Variants in ARHGEF4 observed in about 807,000 individuals in gnomAD.
ARHGEF4 encodes the protein Rho guanine nucleotide exchange factor 4, also known as APC-stimulated guanine nucleotide exchange factor 1.
ARHGEF4 carries 119 observed loss-of-function variants against 162.0 expected under a neutral mutation model. That is an observed-to-expected ratio of 0.73 (90% confidence interval 0.63 to 0.86). The LOEUF is 0.86. Ranked by LOEUF, ARHGEF4 falls within the 40% of genes least tolerant of loss-of-function variation. ARHGEF4 has a pLI of 0.00. For synonymous variants in ARHGEF4, 1,014 were observed against 979.9 expected (o/e 1.03, Z -0.65); for missense variants, 2,488 against 2,456.0 (o/e 1.01, Z -0.28).
intron 1 of ARHGEF4, among the ~76,000 whole-genome samples, chr2:130,856,960 C>T (rs573726790): frequency 3.3e-5 from 5 of 152,288 alleles, no homozygotes; most frequent in Non-Finnish European, 5.9e-5. Flanking sequence ...CAGTGGCTCA[C>T]GCCTGTAATC....
rs372661698 is a variant in ARHGEF4 at position 130,907,257 on chromosome 2, G to GTCA, written c.40-6729_40-6728insTCA. 1.5e-5 allele frequency among the ~76,000 whole-genome samples: 2 copies of GTCA among 136,780 alleles called. 1 individual carries two copies. The highest frequency in any genetic ancestry group is 1.5e-4 in the Admixed American group (2 of 13,478). The allele number at this position is 136,780 out of a possible 152,430, so 89.7% of individuals were successfully genotyped here. A position where few individuals can be genotyped will look rare whatever the true frequency, so the allele number is the denominator to read the frequency against. The stretch of plus-strand genomic sequence containing the variant: ...AGACAGAGTCTCGCTCTGGAGACTG[G>GTCA]AGGCTGGAGTGCAGTGGCACGATCT... On this transcript the variant is annotated intron_variant, in intron 1 of 13. Transcript: ENST00000409359.
Position 130,988,901 on chromosome 2 carries a change from TAGAG to T in ARHGEF4, c.3986-39012_3986-39009del, listed in dbSNP as rs368452142. 2.3e-3 allele frequency among the ~76,000 whole-genome samples: 259 copies of T among 113,308 alleles called. 1 individual carries two copies. The highest frequency in any genetic ancestry group is 0.015 in the Admixed American group (158 of 10,634). The allele number at this position is 113,308 out of a possible 152,430, so 74.3% of individuals were successfully genotyped here. A position where few individuals can be genotyped will look rare whatever the true frequency, so the allele number is the denominator to read the frequency against. ...ATATATATATATATATATATATATA[TAGAG>T]AGAGAGAGAGAGAGAGAGAGAGAGA... On this transcript the variant is annotated intron_variant, in intron 4 of 13. Transcript: ENST00000409359.
intron 1 of ARHGEF4, among the ~76,000 whole-genome samples, chr2:130,842,771 T>A (rs1558994731): frequency 6.6e-6 from 1 of 152,220 alleles, no homozygotes; most frequent in Non-Finnish European, 1.5e-5. Flanking sequence ...GCAGATCTCT[T>A]ACCCGCAGGG....
At chr2:130,936,984 C>T (rs1346642333) in intron 3 of ARHGEF4, among the ~76,000 whole-genome samples, 1 of 148,386 alleles carries the variant, frequency 6.7e-6, no homozygotes, top group South Asian at 2.1e-4. Context: ...CTTGGCTCAC[C>T]GCAACCACCA....
Position 131,040,017 on chromosome 2 carries a change from T to G in ARHGEF4, c.4307T>G (p.Leu1436Arg). ...EGWFPASFVR[L>R]RVNQDEPADD... ...TGACCGGCCACGCATGGCCTGCAGCTGAGGGTGAATCAGGACGAGCCCGCG... is the reference window on the plus strand; with the variant it reads ...TGACCGGCCACGCATGGCCTGCAGCGGAGGGTGAATCAGGACGAGCCCGCG... Residue 1436 changes from leucine (L) to arginine (R), a missense_variant and splice_region_variant, in exon 7 of 14, where the codon CTG becomes CGG. Physicochemically the swap from Leu to Arg is moderately radical, Grantham distance 102. Coordinates refer to ENST00000409359, the MANE Select transcript of ARHGEF4 (RefSeq NM_001367493.1). 1 of 1,557,308 alleles carries G rather than the reference T, an allele frequency of 6.4e-7. No individual in the cohort carries two copies. The highest frequency in any genetic ancestry group is 8.7e-7 in the Non-Finnish European group (1 of 1,151,682).
chr2:130,927,352 C>CA (rs1432047284), intron 2 of ARHGEF4, among the ~76,000 whole-genome samples: 1 of 152,170 alleles, frequency 6.6e-6, no homozygotes, highest in Non-Finnish European at 1.5e-5. Flanking sequence ...TCTTCACAGA[C>CA]AGCATGGTGG....
chr2:130,897,319 C>T (rs1201868136), intron 1 of ARHGEF4, among the ~76,000 whole-genome samples: 1 of 152,212 alleles, frequency 6.6e-6, no homozygotes, highest in East Asian at 1.9e-4. Flanking sequence ...CTGGGAGACG[C>T]ATGGTGGGCC....
intron 4 of ARHGEF4, among the ~76,000 whole-genome samples, chr2:131,016,056 A>C (rs1321246325): frequency 4.7e-5 from 7 of 150,224 alleles, no homozygotes; most frequent in Non-Finnish European, 1.0e-4. Context: ...TTCTCACTCT[A>C]CTCCAGCCAC....
intron 4 of ARHGEF4, among the ~76,000 whole-genome samples, chr2:131,010,286 G>GCCTC (rs1688363540): frequency 6.6e-6 from 1 of 152,158 alleles, no homozygotes; most frequent in African/African-American, 2.4e-5. Context: ...GTGCCTGCCT[G>GCCTC]CAAGCAGAAA....
intron 4 of ARHGEF4, among the ~76,000 whole-genome samples, chr2:130,949,801 A>T (rs1380316001): frequency 1.3e-5 from 2 of 151,922 alleles, no homozygotes; most frequent in Non-Finnish European, 2.9e-5. Context: ...GGTCCCCACC[A>T]CCATGCCCAG....
intron 4 of ARHGEF4, among the ~76,000 whole-genome samples, chr2:130,951,837 G>C (rs1683978636): frequency 6.6e-6 from 1 of 151,742 alleles, no homozygotes. Context: ...CCCCCTTTTT[G>C]TGTGGTATGA....
At position 130,915,962 on chromosome 2, in the gene ARHGEF4, G is replaced by A. The variant is rs1285170681; in HGVS notation, c.2016G>A (p.Glu672=). ...ERPESPLSTG[E]TPCESPTRGK... The stretch of plus-strand genomic sequence containing the variant: ...CAGAATCTCCCTTGAGCACTGGCGA[G>A]ACCCCCTGTGAGTCTCCCACTAGGG... The change falls in exon 2 of 14, where the codon GAG becomes GAA. Residue 672 remains glutamate (E), a synonymous_variant. Transcript: ENST00000409359. 2 of 1,550,556 alleles carry A rather than the reference G, an allele frequency of 1.3e-6. No homozygotes were observed. The highest frequency in any genetic ancestry group is 1.7e-6 in the Non-Finnish European group (2 of 1,146,986).
Position 131,040,092 on chromosome 2 carries a change from C to A in ARHGEF4, c.4382C>A (p.Ala1461Glu). 1 of 1,608,834 alleles carries A rather than the reference C, an allele frequency of 6.2e-7. No homozygotes were observed. The highest frequency in any genetic ancestry group is 1.1e-5 in the South Asian group (1 of 90,500). The change falls in exon 7 of 14, where the codon GCG (alanine) becomes GAG (glutamate). Residue 1461 changes from alanine (A) to glutamate (E), a missense_variant. Transcript: ENST00000409359. ...AACAGCGGAGCGGAGGACGGCGGGG[C>A]GGAGGCGCAGAGCAGCAAGGACCAG... is the stretch of plus-strand genomic sequence containing the variant. ...AGNSGAEDGG[A>E]EAQSSKDQMR...
intron 1 of ARHGEF4, among the ~76,000 whole-genome samples, chr2:130,849,980 T>G (rs929712475): frequency 6.6e-6 from 1 of 152,226 alleles, no homozygotes; most frequent in African/African-American, 2.4e-5. Flanking sequence ...CTCCTTGACT[T>G]AGTGGCATCT....
At chr2:130,904,678 C>G (rs948726686) in intron 1 of ARHGEF4, among the ~76,000 whole-genome samples, 1 of 152,020 alleles carries the variant, frequency 6.6e-6, no homozygotes, top group African/African-American at 2.4e-5. Flanking sequence ...CTATGATTTA[C>G]ATGTATATAA....
chr2:130,931,184 G>T lies in ARHGEF4; in HGVS notation c.3785G>T (p.Arg1262Ile), dbSNP rs758730178. 28 of 1,613,984 alleles carry T rather than the reference G, an allele frequency of 1.7e-5. No individual in the cohort carries two copies. Among genetic ancestry groups the T allele is most frequent in the Non-Finnish European group, 2.2e-5 (26 of 1,179,988 alleles). ...GACCTGTGGCTGGAGAAGACACAGA[G>T]AAAGAAGTTGCAGAAGCAGGCCCAC... ...VDDLWLEKTQRKKLQKQAHVE... is the reference protein window; with the variant it reads ...VDDLWLEKTQIKKLQKQAHVE... Residue 1262 changes from arginine (R) to isoleucine (I), a missense_variant, in exon 3 of 14, where the codon AGA becomes ATA. Arg to Ile is a moderately conservative substitution (Grantham distance 97). This residue lies in a region of ARHGEF4 where 1,642 missense variants were observed against 1,481.5 expected (regional missense o/e 1.11). Coordinates refer to ENST00000409359, the MANE Select transcript of ARHGEF4 (RefSeq NM_001367493.1).
At position 131,031,625 on chromosome 2, in the gene ARHGEF4, T is replaced by A. The variant is rs142083386; in HGVS notation, c.4125+3541T>A. Among the ~76,000 whole-genome samples, 16 of 152,336 alleles carry A rather than the reference T, an allele frequency of 1.1e-4. No individual in the cohort carries two copies. The East Asian group carries it at 3.1e-3, about 29-fold the overall frequency. ...CTCGTTCCTTCTGCATTCCTTGAGT[T>A]CCCTGTGCCCTGCCCCTCGTGAGTG... On this transcript the variant is annotated intron_variant, in intron 5 of 13. Transcript: ENST00000409359.
At chr2:130,850,636 C>T (rs1218305675) in intron 1 of ARHGEF4, among the ~76,000 whole-genome samples, 1 of 152,208 alleles carries the variant, frequency 6.6e-6, no homozygotes, top group Non-Finnish European at 1.5e-5. Flanking sequence ...ATTGTGGGGG[C>T]TACAGTGCCC....
In ARHGEF4 at chr2:130,916,702, T is replaced by TA. The variant is rs2105058546; in HGVS notation, c.2756_2757insA (p.Phe919LeufsTer3). The TA allele has an allele frequency of 1.9e-6, 3 of 1,550,502 alleles. No individual in the cohort carries two copies. In the East Asian group the frequency reaches 7.3e-5, roughly 38 times the overall value. On this transcript the variant is annotated frameshift_variant, in exon 2 of 14. Transcript: ENST00000409359. LOFTEE classifies it high-confidence loss of function. The stretch of plus-strand genomic sequence containing the variant: ...TTGGCTCATAAGACCTTTTCAAACT[T>TA]TATTGAGTCAATAGTTCTAGAGAAA...
Sources: allele counts gnomAD v4.1 joint callset (sites outside exome capture counted in the v4.1 genomes callset), GRCh38; gene constraint gnomAD v4.1.1; regional missense constraint gnomAD v4.1.1; transcripts MANE v1.5; gene names NCBI Gene and HGNC (gene_info 2026-07-23, HGNC 2026-07-21).